GHR: variants seen among roughly 807,000 people sequenced by gnomAD.
GHR encodes the protein growth hormone receptor.
Under a neutral mutation model 67.1 loss-of-function variants are expected in GHR, and 35 were observed. The ratio of observed to expected loss-of-function variants is 0.52; its 90% confidence interval spans 0.40 to 0.69. The LOEUF (loss-of-function observed/expected upper bound fraction) is 0.69, where lower values mean the gene tolerates loss of function less well. GHR is among the 30% of genes least tolerant of loss of function. The pLI, the probability that GHR is intolerant of heterozygous loss-of-function variation, is 0.00. For synonymous variants in GHR, 272 were observed against 269.1 expected, an observed-to-expected ratio of 1.01 and a Z score of -0.10; for missense variants, 792 against 764.6, an observed-to-expected ratio of 1.04 and a Z score of -0.42.
intron 2 of GHR, among the ~76,000 whole-genome samples, chr5:42,602,091 A>G (rs1752405768): frequency 6.6e-6 from 1 of 152,168 alleles, no homozygotes; most frequent in Non-Finnish European, 1.5e-5. Context: ...GGTATACAAC[A>G]TGATGTTTTT....
At chr5:42,449,813 A>G (rs1359739356) in intron 1 of GHR, among the ~76,000 whole-genome samples, 1 of 152,038 alleles carries the variant, frequency 6.6e-6, no homozygotes, top group Non-Finnish European at 1.5e-5. Context: ...TTCTATGCCA[A>G]TTTTGTTGAG....
intron 1 of GHR, chr5:42,465,274 T>C (rs1349178616): frequency 3.2e-6 from 2 of 628,080 alleles, no homozygotes; most frequent in African/African-American, 3.7e-5. Context: ...TTGATTTTCT[T>C]ATACTGAATG....
At chr5:42,661,944 G>C (rs1200232159) in intron 3 of GHR, among the ~76,000 whole-genome samples, 1 of 152,008 alleles carries the variant, frequency 6.6e-6, no homozygotes, top group Non-Finnish European at 1.5e-5. Context: ...AAAAAGTCAG[G>C]GGTTGCAATC....
At chr5:42,700,399 C>G (rs1579637978) in intron 6 of GHR, among the ~76,000 whole-genome samples, 1 of 152,188 alleles carries the variant, frequency 6.6e-6, no homozygotes, top group East Asian at 1.9e-4. Context: ...TCAAAGGACT[C>G]CCACTAAAAC....
intron 2 of GHR, among the ~76,000 whole-genome samples, chr5:42,585,609 A>G (rs1350116039): frequency 6.6e-6 from 1 of 152,198 alleles, no homozygotes; most frequent in Non-Finnish European, 1.5e-5. Context: ...AAAGTTTGTT[A>G]TTTTTGTCAT....
At chr5:42,549,941 C>T (rs1046408532) in intron 1 of GHR, 1 of 178,140 alleles carries the variant, frequency 5.6e-6, no homozygotes. Context: ...TCTTGTATTG[C>T]TTCAAAGAAA....
chr5:42,614,559 A>ACTTTTTTTT (rs1753046522), intron 2 of GHR, among the ~76,000 whole-genome samples: 1 of 65,380 alleles, frequency 1.5e-5, no homozygotes, highest in African/African-American at 6.3e-5. Context: ...CATAGAGGAC[A>ACTTTTTTTT]TTTTTTTTTT....
At chr5:42,544,368 G>T (rs532658579) in intron 1 of GHR, among the ~76,000 whole-genome samples, 2 of 152,140 alleles carry the variant, frequency 1.3e-5, no homozygotes, top group Non-Finnish European at 2.9e-5. Flanking sequence ...AGGAGGAAAA[G>T]AACATTTTGC....
intron 1 of GHR, chr5:42,550,015 C>T (rs1397034641): frequency 1.1e-5 from 7 of 613,192 alleles, no homozygotes; most frequent in African/African-American, 4.0e-5. Context: ...CTGGGGAAGG[C>T]CAAAGAGCCA....
At chr5:42,648,657 TATA>T (rs1309682580) in intron 3 of GHR, among the ~76,000 whole-genome samples, 1 of 151,524 alleles carries the variant, frequency 6.6e-6, no homozygotes, top group African/African-American at 2.4e-5. Flanking sequence ...GTTCTAAATA[TATA>T]ATAACAATAA....
At position 42,576,099 on chromosome 5, in the gene GHR, TA is replaced by T. The variant is rs11400007; in HGVS notation, c.70+10158del. On this transcript the variant is annotated intron_variant, in intron 2 of 9. Transcript: ENST00000230882. The stretch of plus-strand genomic sequence containing the variant: ...TAAAATAAAATAAAATAAAATAAAA[TA>T]AATAAAATAAAATAAAATAAAATAA... 0.015 allele frequency among the ~76,000 whole-genome samples: 1,067 copies of T among 69,208 alleles called. 21 individuals carry two copies. In the East Asian group the frequency reaches 0.16, roughly 10 times the overall value. 45.4% of individuals were successfully genotyped at this position (69,208 alleles called of 152,430 possible).
chr5:42,486,456 A>G (rs980620150), intron 1 of GHR, among the ~76,000 whole-genome samples: 1 of 152,174 alleles, frequency 6.6e-6, no homozygotes, highest in Non-Finnish European at 1.5e-5. Context: ...AAGCAAAATT[A>G]TTTTCTCTAA....
At chr5:42,664,039 A>T (rs1469675573) in intron 3 of GHR, among the ~76,000 whole-genome samples, 1 of 152,228 alleles carries the variant, frequency 6.6e-6, no homozygotes, top group Non-Finnish European at 1.5e-5. Context: ...CTTACAAGGG[A>T]CATGAAGGAC....
In GHR at chr5:42,699,859, T is replaced by C; in HGVS notation, c.475T>C (p.Leu159=). 1 of 1,611,910 alleles carries C rather than the reference T, an allele frequency of 6.2e-7. No individual in the cohort carries two copies. Among genetic ancestry groups the C allele is most frequent in the Non-Finnish European group, 8.5e-7 (1 of 1,178,056 alleles). The change falls in exon 6 of 10, where the codon TTA becomes CTA. Residue 159 remains leucine, a synonymous_variant. Transcript: ENST00000230882. ...PDPPIALNWT[L]LNVSLTGIHA... ...TCCACCCATTGCCCTCAACTGGACTTTACTGAACGTCAGTTTAACTGGGAT... is the reference window on the plus strand; with the variant it reads ...TCCACCCATTGCCCTCAACTGGACTCTACTGAACGTCAGTTTAACTGGGAT...
intron 2 of GHR, among the ~76,000 whole-genome samples, chr5:42,616,196 T>A: frequency 6.6e-6 from 1 of 152,042 alleles, no homozygotes; most frequent in Non-Finnish European, 1.5e-5. Context: ...AGGTTAATTG[T>A]TTTGGTAGTT....
chr5:42,428,837 T>C lies in GHR; in HGVS notation c.-12+4882T>C, dbSNP rs146003579. On this transcript the variant is annotated intron_variant, in intron 1 of 9. Transcript: ENST00000230882. ...CTATAAGCATTTTGGTCAAAGCCATTCAACAAGTCTCTAGGAAGTTCCAAA... is the reference window on the plus strand; with the variant it reads ...CTATAAGCATTTTGGTCAAAGCCATCCAACAAGTCTCTAGGAAGTTCCAAA... Among the ~76,000 whole-genome samples, 635 of 152,316 alleles carry C rather than the reference T, an allele frequency of 4.2e-3. 3 individuals carry two copies. The highest frequency in any genetic ancestry group is 4.9e-3 in the Admixed American group (75 of 15,310).
At chr5:42,474,849 A>G (rs1160082867) in intron 1 of GHR, among the ~76,000 whole-genome samples, 1 of 129,670 alleles carries the variant, frequency 7.7e-6, no homozygotes, top group Non-Finnish European at 1.7e-5. Flanking sequence ...CTATTTAATA[A>G]TTTTCTACAA....
At chr5:42,481,026 C>T (rs550308630) in intron 1 of GHR, among the ~76,000 whole-genome samples, 19 of 151,528 alleles carry the variant, frequency 1.3e-4, no homozygotes, top group East Asian at 1.9e-4. Flanking sequence ...TGGCTGGTAC[C>T]GGTTGTTCCT....
intron 3 of GHR, among the ~76,000 whole-genome samples, chr5:42,645,370 A>G (rs182020463): frequency 9.8e-5 from 15 of 152,300 alleles, no homozygotes; most frequent in Admixed American, 2.6e-4. Context: ...CTATGTCCCA[A>G]TGGAGATTCC....
Sources: gnomAD v4.1 joint callset for allele counts (sites outside exome capture counted in the v4.1 genomes callset) on GRCh38, gnomAD v4.1.1 for gene constraint, MANE v1.5 for transcripts, NCBI Gene and HGNC (gene_info 2026-07-23, HGNC 2026-07-21) for gene names.